The following ACAD11 variants were observed in gnomAD, a reference collection of about 807,000 sequenced individuals.
The protein encoded by ACAD11 is acyl-CoA dehydrogenase family member 11, also known as acyl-Coenzyme A dehydrogenase family, member 11.
ACAD11 carries 83 observed loss-of-function variants against 102.2 expected under a neutral mutation model. The observed-to-expected ratio is 0.81, with a 90% CI of 0.68 to 0.97. The LOEUF (loss-of-function observed/expected upper bound fraction) is 0.97. Ranked by LOEUF, ACAD11 falls within the 50% of genes least tolerant of loss-of-function variation. The probability of loss-of-function intolerance (pLI) is 0.00; values close to 1 mark genes in which losing one functional copy is unlikely to be tolerated. For missense variants in ACAD11, 901 were observed against 951.7 expected (o/e 0.95, Z 0.70); for synonymous variants, 324 against 319.8 (o/e 1.01, Z -0.14).
At chr3:132,605,076 G>A (rs750696361) in intron 12 of ACAD11, 22 bp downstream of exon 12, 1 of 1,554,756 alleles carries the variant, frequency 6.4e-7, no homozygotes, top group East Asian at 2.3e-5. Flanking sequence ...TACACAAGGA[G>A]AGAATGGTGA....
rs1325006066 is a variant in ACAD11, at chr3:132,639,634, T to C, written c.560A>G (p.Tyr187Cys). The part of the protein sequence containing the change: ...KRQVSTWTKQ[Y>C]QAAAHQDIPA... ...GATGTCCTGATGAGCTGCAGCTTGA[T>C]ATTGCTTTGTCCAGGTTGATACCTA... is the stretch of plus-strand genomic sequence containing the variant. The change falls in exon 5 of 20, where the codon TAT becomes TGT. Residue 187 changes from tyrosine (Y) to cysteine (C), a missense_variant. Physicochemically the swap from Tyr to Cys is radical, Grantham distance 194. Coordinates refer to ENST00000264990, the MANE Select transcript of ACAD11 (RefSeq NM_032169.5). The C allele has an allele frequency of 6.2e-7, 1 of 1,613,482 alleles. No individual in the cohort carries two copies. Among genetic ancestry groups the C allele is most frequent in the Non-Finnish European group, 8.5e-7 (1 of 1,179,742 alleles).
chr3:132,598,933 T>G (rs1468923404), intron 13 of ACAD11, among the ~76,000 whole-genome samples: 1 of 152,162 alleles, frequency 6.6e-6, no homozygotes. Flanking sequence ...ATTGGCAATT[T>G]AGAGATCAAA....
At chr3:132,599,142 G>A (rs996245827) in intron 13 of ACAD11, among the ~76,000 whole-genome samples, 5 of 151,866 alleles carry the variant, frequency 3.3e-5, no homozygotes, top group Non-Finnish European at 2.9e-5. Flanking sequence ...GCAAAACCCC[G>A]TCTCTATCAA....
intron 11 of ACAD11, among the ~76,000 whole-genome samples, chr3:132,605,517 C>G (rs977546836): frequency 2.0e-5 from 3 of 152,194 alleles, no homozygotes; most frequent in African/African-American, 7.2e-5. Flanking sequence ...TGGCCTAAAC[C>G]TTGCCTGCTG....
At chr3:132,641,927 T>C in intron 4 of ACAD11, 45 bp downstream of exon 4, 2 of 1,529,014 alleles carry the variant, frequency 1.3e-6, no homozygotes, top group South Asian at 1.3e-5. Context: ...AGGTATATTA[T>C]TTACAAGAAC....
Position 132,619,552 on chromosome 3 carries a change from G to A in ACAD11, c.1198-7C>T. On this transcript the variant is annotated splice_polypyrimidine_tract_variant and splice_region_variant and intron_variant, in intron 9 of 19. Transcript: ENST00000264990. ...CATAGAACTCAGTTACCTCCTTAAA[G>A]TAATAAAAGAAAAAAATTTCACTAG... 2.0e-6 allele frequency: 3 copies of A among 1,531,974 alleles called. No homozygotes were observed. The highest frequency in any genetic ancestry group is 1.4e-5 in the African/African-American group (1 of 71,330). The allele number at this position is 1,531,974 out of a possible 1,614,324, so 94.9% of individuals were successfully genotyped here.
intron 4 of ACAD11, 73 bp downstream of exon 4, chr3:132,641,898 CT>C: frequency 1.5e-6 from 2 of 1,349,454 alleles, no homozygotes; most frequent in Non-Finnish European, 1.0e-6. Context: ...ACAATAATAG[CT>C]TTTTTTGTTG....
chr3:132,614,084 G>A (rs1440217232), intron 11 of ACAD11, among the ~76,000 whole-genome samples: 1 of 151,714 alleles, frequency 6.6e-6, no homozygotes, highest in African/African-American at 2.4e-5. Context: ...TTGCTACAAA[G>A]AGAATAAAAT....
intron 13 of ACAD11, among the ~76,000 whole-genome samples, chr3:132,588,192 GGTAT>G (rs3045373): frequency 6.2e-4 from 93 of 150,774 alleles, no homozygotes; most frequent in African/African-American, 1.7e-3. Flanking sequence ...CAGGCAGGCA[GGTAT>G]GTATGTATGT....
chr3:132,598,762 A>G (rs2107817358), intron 13 of ACAD11, among the ~76,000 whole-genome samples: 1 of 152,338 alleles, frequency 6.6e-6, no homozygotes, highest in South Asian at 2.1e-4. Flanking sequence ...TAGTCCTATC[A>G]CTGTCTCTAG....
intron 17 of ACAD11, 152 bp downstream of exon 17, chr3:132,575,620 A>T: frequency 1.1e-6 from 1 of 935,636 alleles, no homozygotes; most frequent in Non-Finnish European, 1.6e-6. Context: ...ACCTCTCATT[A>T]GACTATATTT....
intron 13 of ACAD11, among the ~76,000 whole-genome samples, chr3:132,595,306 T>C (rs552580564): frequency 6.6e-6 from 1 of 152,264 alleles, no homozygotes; most frequent in African/African-American, 2.4e-5. Context: ...AGAAGCTGGG[T>C]ATGGCAGAAC....
rs528803627 is a variant in ACAD11, at chr3:132,646,725, T to G, written c.150-1829A>C. Among the ~76,000 whole-genome samples the G allele has an allele frequency of 2.0e-5, 3 of 152,210 alleles. No individual in the cohort carries two copies. The East Asian group carries it at 5.8e-4, about 29-fold the overall frequency. On this transcript the variant is annotated intron_variant, in intron 1 of 19. Transcript: ENST00000264990. ...TCTGCAGACAAAAGGATAAACAAAATGTGGTATATCTATACAATGGATTAT... is the reference window on the plus strand; with the variant it reads ...TCTGCAGACAAAAGGATAAACAAAAGGTGGTATATCTATACAATGGATTAT...
intron 15 of ACAD11, among the ~76,000 whole-genome samples, 166 bp from the exon 16 acceptor site, chr3:132,577,181 GC>G (rs1222165765): frequency 6.6e-6 from 1 of 152,000 alleles, no homozygotes; most frequent in Non-Finnish European, 1.5e-5. Context: ...GGACCCAGCA[GC>G]CCAGAAAACT....
chr3:132,629,752 T>C (rs1396605262), intron 7 of ACAD11, among the ~76,000 whole-genome samples: 2 of 152,178 alleles, frequency 1.3e-5, no homozygotes, highest in Non-Finnish European at 2.9e-5. Context: ...TCTAAACTTA[T>C]TTACCTGTTT....
intron 11 of ACAD11, among the ~76,000 whole-genome samples, chr3:132,613,610 C>T (rs576372717): frequency 6.6e-6 from 1 of 152,070 alleles, no homozygotes; most frequent in South Asian, 2.1e-4. Flanking sequence ...TAGAAAACCC[C>T]ATCATTGGCC....
chr3:132,560,177 G>A (rs138903561), intron 18 of ACAD11, among the ~76,000 whole-genome samples: 42 of 152,144 alleles, frequency 2.8e-4, no homozygotes, highest in African/African-American at 9.9e-4. Context: ...AACTTGTCTT[G>A]TTTCCAAAAG....
rs1432423676 is a variant in ACAD11 at position 132,618,758 on chromosome 3, G to A, written c.1290C>T (p.Val430=). 9 of 1,592,754 alleles carry A rather than the reference G, an allele frequency of 5.7e-6. No individual in the cohort carries two copies. Among genetic ancestry groups the A allele is most frequent in the Admixed American group, 1.8e-5 (1 of 55,302 alleles). The change falls in exon 11 of 20, where the codon GTC becomes GTT. Residue 430 remains valine, a synonymous_variant. Coordinates refer to ENST00000264990, the MANE Select transcript of ACAD11 (RefSeq NM_032169.5). ...GCAAAAACAAGTTCCAGAGACCCTC[G>A]ACTTTGGCCATTTCCTGTCAAGGTG... The part of the protein sequence containing the change: ...VIDKLKEMAK[V]EGLWNLFLPA...
In ACAD11 at chr3:132,642,636, T is replaced by TAA. The variant is rs1174743350; in HGVS notation, c.375+39_375+40dup. 3.9e-6 allele frequency: 6 copies of TAA among 1,550,068 alleles called. No individual in the cohort carries two copies. The African/African-American group carries it at 6.9e-5, about 18-fold the overall frequency. On this transcript the variant is annotated intron_variant, in intron 3 of 19. Transcript: ENST00000264990. ...AAAACATCTTAATTAACTTCATAAT[T>TAA]AAAAGTAAAAGCAACAAAATAAGAT...
Sources: allele counts gnomAD v4.1 joint callset (sites outside exome capture counted in the v4.1 genomes callset), GRCh38; gene constraint gnomAD v4.1.1; transcripts MANE v1.5; gene names NCBI Gene and HGNC (gene_info 2026-07-23, HGNC 2026-07-21).